Variants in PCDH9 observed in about 807,000 individuals in gnomAD.
PCDH9 encodes protocadherin-9.
PCDH9 carries 24 observed loss-of-function variants against 70.6 expected under a neutral mutation model. The observed-to-expected ratio is 0.34, with a 90% CI of 0.25 to 0.48. The LOEUF (loss-of-function observed/expected upper bound fraction) is 0.48, where lower values mean the gene tolerates loss of function less well. PCDH9 is among the 20% of genes least tolerant of loss of function. PCDH9 has a pLI of 0.99. For missense variants in PCDH9, 1,281 were observed against 1,503.6 expected, an observed-to-expected ratio of 0.85 and a Z score of 2.45; for synonymous variants, 562 against 558.5, an observed-to-expected ratio of 1.01 and a Z score of -0.09.
Position 66,360,666 on chromosome 13 carries a change from AG to A in PCDH9, c.3341-55639del, listed in dbSNP as rs563947630. Among the ~76,000 whole-genome samples, 711 of 152,228 alleles carry A rather than the reference AG, an allele frequency of 4.7e-3. 4 individuals are homozygous for A. The highest frequency in any genetic ancestry group is 0.01 in the Middle Eastern group (3 of 294). ...TATTGTATATTAAAAAATTGAACAT[AG>A]TATTAGGCTCTCTGAAAATCACTGG... is the stretch of plus-strand genomic sequence containing the variant. On this transcript the variant is annotated intron_variant, in intron 4 of 4. Coordinates refer to ENST00000377865, the MANE Select transcript of PCDH9 (RefSeq NM_203487.3).
At chr13:66,343,273 T>C (rs754990528) in intron 4 of PCDH9, among the ~76,000 whole-genome samples, 1 of 152,176 alleles carries the variant, frequency 6.6e-6, no homozygotes, top group African/African-American at 2.4e-5. Context: ...CACAATTCTA[T>C]AGGTCACAAG....
chr13:67,154,605 TACAC>T (rs765270091), intron 2 of PCDH9, among the ~76,000 whole-genome samples: 2,162 of 92,972 alleles, frequency 0.023, 95 homozygotes, highest in African/African-American at 0.037. Flanking sequence ...AATATATATA[TACAC>T]ACACACACAC....
At chr13:67,182,286 C>G (rs2138486446) in intron 2 of PCDH9, among the ~76,000 whole-genome samples, 1 of 152,230 alleles carries the variant, frequency 6.6e-6, no homozygotes, top group African/African-American at 2.4e-5. Flanking sequence ...TTCCCAATTT[C>G]CCCTGTCATT....
At chr13:66,727,230 C>T (rs1220820363) in intron 3 of PCDH9, among the ~76,000 whole-genome samples, 1 of 152,058 alleles carries the variant, frequency 6.6e-6, no homozygotes, top group African/African-American at 2.4e-5. Flanking sequence ...CACTGCACAC[C>T]AGCCAGGATG....
chr13:66,655,345 T>A (rs887430567), intron 3 of PCDH9, among the ~76,000 whole-genome samples: 6 of 152,078 alleles, frequency 3.9e-5, no homozygotes, highest in Middle Eastern at 3.4e-3. Flanking sequence ...TTTCCAGCAT[T>A]TCTTTATTCT....
intron 4 of PCDH9, among the ~76,000 whole-genome samples, chr13:66,342,239 T>C (rs1593829659): frequency 6.6e-6 from 1 of 152,192 alleles, no homozygotes; most frequent in Admixed American, 6.5e-5. Flanking sequence ...TTAAAAGAAA[T>C]AGCAGCTGTT....
intron 3 of PCDH9, among the ~76,000 whole-genome samples, chr13:66,892,695 C>G (rs2082115627): frequency 6.6e-6 from 1 of 151,972 alleles, no homozygotes; most frequent in Non-Finnish European, 1.5e-5. Flanking sequence ...AGGCTTTAGG[C>G]TGTGTAAGAA....
chr13:66,791,843 A>G (rs1005476712), intron 3 of PCDH9, among the ~76,000 whole-genome samples: 2 of 152,166 alleles, frequency 1.3e-5, no homozygotes, highest in Non-Finnish European at 2.9e-5. Context: ...CTTTTCTACA[A>G]TATAAATAAT....
intron 2 of PCDH9, among the ~76,000 whole-genome samples, chr13:67,102,960 G>A (rs2086464152): frequency 6.6e-6 from 1 of 151,758 alleles, no homozygotes; most frequent in Non-Finnish European, 1.5e-5. Flanking sequence ...CTATACAGTA[G>A]GTCAATAACA....
intron 2 of PCDH9, among the ~76,000 whole-genome samples, chr13:67,054,098 T>C (rs988781468): frequency 6.6e-5 from 10 of 152,056 alleles, no homozygotes; most frequent in African/African-American, 2.4e-4. Flanking sequence ...ACTGGTGAAA[T>C]AACTGGCAAA....
intron 3 of PCDH9, among the ~76,000 whole-genome samples, chr13:66,746,162 G>A (rs2079359583): frequency 1.3e-5 from 2 of 152,050 alleles, no homozygotes; most frequent in Admixed American, 1.3e-4. Context: ...ACATTAGATT[G>A]CAAACAATGT....
intron 2 of PCDH9, among the ~76,000 whole-genome samples, chr13:66,906,774 A>G (rs893286603): frequency 2.0e-5 from 3 of 152,204 alleles, no homozygotes; most frequent in Admixed American, 1.3e-4. Context: ...TGTAAACAAT[A>G]TTTTGAGATT....
intron 4 of PCDH9, among the ~76,000 whole-genome samples, chr13:66,606,103 A>G (rs955798032): frequency 6.6e-6 from 1 of 151,786 alleles, no homozygotes; most frequent in South Asian, 2.1e-4. Context: ...TTTGTAGGGT[A>G]GAAGGCTCTC....
At chr13:67,164,502 A>G (rs2088052314) in intron 2 of PCDH9, among the ~76,000 whole-genome samples, 1 of 150,378 alleles carries the variant, frequency 6.6e-6, no homozygotes, top group African/African-American at 2.4e-5. Context: ...TGAACCAGGG[A>G]GGCAGAGGTC....
chr13:66,821,007 A>G (rs1434538689), intron 3 of PCDH9, among the ~76,000 whole-genome samples: 1 of 152,196 alleles, frequency 6.6e-6, no homozygotes, highest in Non-Finnish European at 1.5e-5. Context: ...AAAAAATTTA[A>G]AAAGATTCCC....
intron 2 of PCDH9, among the ~76,000 whole-genome samples, chr13:67,158,714 G>A (rs1417659025): frequency 6.6e-6 from 1 of 152,164 alleles, no homozygotes; most frequent in African/African-American, 2.4e-5. Context: ...ACTCTATGAT[G>A]TTCTGTTATG....
At chr13:66,553,949 G>C (rs1961607623) in intron 4 of PCDH9, among the ~76,000 whole-genome samples, 1 of 152,090 alleles carries the variant, frequency 6.6e-6, no homozygotes. Flanking sequence ...ATATGGCTTT[G>C]TGGAGGTTTC....
At chr13:66,738,767 T>A (rs1474979481) in intron 3 of PCDH9, among the ~76,000 whole-genome samples, 1 of 151,424 alleles carries the variant, frequency 6.6e-6, no homozygotes, top group African/African-American at 2.4e-5. Flanking sequence ...ATGAATGAAA[T>A]GAAGCGAGAA....
chr13:67,072,500 C>T (rs981265900), intron 2 of PCDH9, among the ~76,000 whole-genome samples: 1 of 152,120 alleles, frequency 6.6e-6, no homozygotes, highest in African/African-American at 2.4e-5. Flanking sequence ...ACTCCCATGT[C>T]ATTAAATACT....
Sources: gnomAD v4.1 joint callset for allele counts (sites outside exome capture counted in the v4.1 genomes callset) on GRCh38, gnomAD v4.1.1 for gene constraint, MANE v1.5 for transcripts, NCBI Gene and HGNC (gene_info 2026-07-23, HGNC 2026-07-21) for gene names.